Variants in GNAO1 observed in about 807,000 individuals in gnomAD.
The protein encoded by GNAO1 is G protein subunit alpha o1, also known as guanine nucleotide-binding protein G(o) subunit alpha.
For missense variants in GNAO1, 166 were observed against 478.7 expected (o/e 0.35, Z 6.10); for synonymous variants, 164 against 180.7 (o/e 0.91, Z 0.74).
At chr16:56,349,090 G>A (rs1352499222) in intron 6 of GNAO1, among the ~76,000 whole-genome samples, 1 of 152,190 alleles carries the variant, frequency 6.6e-6, no homozygotes, top group African/African-American at 2.4e-5. Context: ...CGTGCTCTGT[G>A]GCCCTGAGAT....
At chr16:56,233,508 A>G (rs1446400075) in intron 2 of GNAO1, among the ~76,000 whole-genome samples, 1 of 152,224 alleles carries the variant, frequency 6.6e-6, no homozygotes, top group African/African-American at 2.4e-5. Context: ...CTCTCTGTGT[A>G]TGAATGAGAA....
chr16:56,287,128 A>C (rs1473423530), intron 3 of GNAO1, among the ~76,000 whole-genome samples: 3 of 152,202 alleles, frequency 2.0e-5, no homozygotes, highest in African/African-American at 7.2e-5. Context: ...CCCCCAGCCC[A>C]CCACTGACCA....
At chr16:56,192,494 C>T (rs2036186136) in intron 1 of GNAO1, 80 bp from the exon 2 acceptor site, 1 of 928,898 alleles carries the variant, frequency 1.1e-6, no homozygotes, top group Non-Finnish European at 1.8e-6. Context: ...CCCACCCCCT[C>T]GCATGCCTTA....
intron 2 of GNAO1, among the ~76,000 whole-genome samples, chr16:56,209,166 T>G (rs2036361181): frequency 6.6e-6 from 1 of 152,216 alleles, no homozygotes; most frequent in Non-Finnish European, 1.5e-5. Flanking sequence ...TGTAGTTGAT[T>G]CTTGTGTATG....
Position 56,351,188 on chromosome 16 carries a change from A to G in GNAO1, c.724-196A>G, listed in dbSNP as rs1256538819. Among the ~76,000 whole-genome samples the G allele has an allele frequency of 1.3e-5, 2 of 152,178 alleles. No homozygotes were observed. Among genetic ancestry groups the G allele is most frequent in the Non-Finnish European group, 2.9e-5 (2 of 68,026 alleles). On this transcript the variant is annotated intron_variant, in intron 6 of 8. Transcript: ENST00000262493. The surrounding 1 kb of genome is among the most constrained non-coding windows in gnomAD (Gnocchi z 6.1). ...TCCAGTCTCTGCCTCTGGCCCCGAC[A>G]TGACGGGTTCTCCGGAAGCAGGGAA...
chr16:56,250,091 A>G (rs1351266366), intron 2 of GNAO1, among the ~76,000 whole-genome samples: 1 of 152,194 alleles, frequency 6.6e-6, no homozygotes, highest in Non-Finnish European at 1.5e-5. Flanking sequence ...ATTGGTACTG[A>G]GAAGTAAGAA....
intron 3 of GNAO1, among the ~76,000 whole-genome samples, chr16:56,291,451 GTTAT>G (rs1345043296): frequency 2.0e-5 from 3 of 152,166 alleles, no homozygotes; most frequent in African/African-American, 7.2e-5. Context: ...TCTAAATGGG[GTTAT>G]TTGTCTTACG....
At chr16:56,240,286 G>C (rs138560163) in intron 2 of GNAO1, among the ~76,000 whole-genome samples, 1 of 152,254 alleles carries the variant, frequency 6.6e-6, no homozygotes, top group Non-Finnish European at 1.5e-5. Context: ...GAATGTGCTT[G>C]TCTGTATGGT....
intron 2 of GNAO1, among the ~76,000 whole-genome samples, chr16:56,275,259 G>T (rs1240008227): frequency 6.6e-6 from 1 of 152,240 alleles, no homozygotes; most frequent in Non-Finnish European, 1.5e-5. Context: ...CTTGTCAGCA[G>T]TGAGCACATG....
chr16:56,332,511 ATCTC>A (rs1596870014), intron 4 of GNAO1, among the ~76,000 whole-genome samples: 1 of 151,958 alleles, frequency 6.6e-6, no homozygotes, highest in African/African-American at 2.4e-5. Flanking sequence ...CTGACATATC[ATCTC>A]TCTGACTCTT....
chr16:56,193,891 G>A, intron 2 of GNAO1: 1 of 358,280 alleles, frequency 2.8e-6, no homozygotes. Context: ...AGGGGTTGCT[G>A]TGCAGTAAAC....
intron 2 of GNAO1, among the ~76,000 whole-genome samples, chr16:56,260,479 A>G (rs1481888481): frequency 2.6e-5 from 4 of 152,188 alleles, no homozygotes; most frequent in Non-Finnish European, 5.9e-5. Context: ...CCCAGAGACC[A>G]TGATGAAGGC....
chr16:56,281,684 C>G (rs1009117389), intron 3 of GNAO1, among the ~76,000 whole-genome samples: 5 of 152,172 alleles, frequency 3.3e-5, no homozygotes, highest in Admixed American at 1.3e-4. Context: ...AGCTCTCCCC[C>G]TCCTCCTTCC....
At chr16:56,252,494 A>G (rs2036808635) in intron 2 of GNAO1, among the ~76,000 whole-genome samples, 1 of 152,174 alleles carries the variant, frequency 6.6e-6, no homozygotes. Context: ...CAGTTCTGCC[A>G]CTCACCACCT....
chr16:56,331,235 G>A (rs544900232), intron 4 of GNAO1, among the ~76,000 whole-genome samples: 8 of 152,224 alleles, frequency 5.3e-5, no homozygotes, highest in Admixed American at 2.0e-4. Flanking sequence ...GGTGCACCCC[G>A]GCCTCTGTGA....
chr16:56,289,828 C>G (rs909181740), intron 3 of GNAO1, among the ~76,000 whole-genome samples: 3 of 152,282 alleles, frequency 2.0e-5, no homozygotes, highest in African/African-American at 7.2e-5. Context: ...ATTGGGGTAC[C>G]TGGAACCCAG....
intron 3 of GNAO1, among the ~76,000 whole-genome samples, chr16:56,286,721 GTGTGTGTGTGTA>G (rs1245084740): frequency 2.0e-5 from 3 of 151,566 alleles, no homozygotes; most frequent in Non-Finnish European, 2.9e-5. Context: ...GTGTGTGTGT[GTGTGTGTGTGTA>G]TGTGTGTATC....
At chr16:56,258,264 T>C (rs1169351869) in intron 2 of GNAO1, among the ~76,000 whole-genome samples, 1 of 152,218 alleles carries the variant, frequency 6.6e-6, no homozygotes, top group Non-Finnish European at 1.5e-5. Flanking sequence ...TGCTGCTTAC[T>C]GGCTCTGAGA....
At chr16:56,303,812 C>A (rs1400472803) in intron 3 of GNAO1, among the ~76,000 whole-genome samples, 3 of 143,610 alleles carry the variant, frequency 2.1e-5, no homozygotes, top group Admixed American at 7.3e-5. Flanking sequence ...ATAGCCATTG[C>A]CCCAGGCAGC....
Sources: allele counts gnomAD v4.1 joint callset (sites outside exome capture counted in the v4.1 genomes callset), GRCh38; gene constraint gnomAD v4.1.1; non-coding constraint Gnocchi (gnomAD v3.1); transcripts MANE v1.5; gene names NCBI Gene and HGNC (gene_info 2026-07-23, HGNC 2026-07-21).